The following NINL variants were observed in gnomAD, a reference collection of about 807,000 sequenced individuals.
The protein encoded by NINL is ninein like.
A neutral mutation model predicts 160.3 loss-of-function variants in NINL; 153 were observed. The observed-to-expected ratio is 0.95, with a 90% CI of 0.84 to 1.09. The LOEUF (loss-of-function observed/expected upper bound fraction) is 1.09. NINL is among the 50% of genes least tolerant of loss of function. The pLI, the probability that NINL is intolerant of heterozygous loss-of-function variation, is 0.00. For missense variants in NINL, 1,829 were observed against 1,764.0 expected, an observed-to-expected ratio of 1.04 and a Z score of -0.66; for synonymous variants, 800 against 734.8, an observed-to-expected ratio of 1.09 and a Z score of -1.43.
At chr20:25,502,730 G>A (rs1267371096) in intron 7 of NINL, among the ~76,000 whole-genome samples, 1 of 152,094 alleles carries the variant, frequency 6.6e-6, no homozygotes, top group Non-Finnish European at 1.5e-5. Context: ...GTTTAAAAGT[G>A]TGTCACACCT....
chr20:25,478,985 G>A lies in NINL; in HGVS notation c.2139C>T (p.Pro713=). The A allele has an allele frequency of 1.2e-6, 2 of 1,602,778 alleles. No individual in the cohort carries two copies. The highest frequency in any genetic ancestry group is 1.7e-6 in the Non-Finnish European group (2 of 1,176,896). Residue 713 remains proline (P), a synonymous_variant, in exon 16 of 24, where the codon CCC becomes CCT. Transcript: ENST00000278886. The part of the protein sequence containing the change: ...GPEPEQMGLA[P]CCTQALCGLA... ...GGCCACACAGTGCCTGGGTGCAGCA[G>A]GGTGCCAGGCCCATCTGCTCAGGCT... is the stretch of plus-strand genomic sequence containing the variant.
chr20:25,477,497 C>T (rs982345441), intron 16 of NINL, among the ~76,000 whole-genome samples: 2 of 152,226 alleles, frequency 1.3e-5, no homozygotes, highest in African/African-American at 4.8e-5. Flanking sequence ...GCTGGAGACC[C>T]AGAGCCAAAA....
chr20:25,561,489 C>G (rs1385603171), intron 1 of NINL, among the ~76,000 whole-genome samples: 2 of 151,820 alleles, frequency 1.3e-5, no homozygotes, highest in Non-Finnish European at 2.9e-5. Context: ...TCTGCCTGGC[C>G]GCCCATCGTC....
At position 25,491,377 on chromosome 20, in the gene NINL, G is replaced by C. The variant is rs532206567; in HGVS notation, c.1459C>G (p.Arg487Gly). 8 of 1,610,618 alleles carry C rather than the reference G, an allele frequency of 5.0e-6. No homozygotes were observed. The East Asian group carries it at 1.6e-4, about 31-fold the overall frequency. The change falls in exon 11 of 24, where the codon CGC (arginine) becomes GGC (glycine). Residue 487 changes from arginine (R) to glycine (G), a missense_variant. Coordinates refer to ENST00000278886, the MANE Select transcript of NINL (RefSeq NM_025176.6). ...GRLQAEEAGL[R>G]EKLTLALKEN... ...TTCAGGGCCAGGGTCAGCTTCTCGC[G>C]GAGGCCAGCCTCCTCAGCCTGCAGG...
At chr20:25,489,086 G>A (rs1168233620) in intron 13 of NINL, 158 bp downstream of exon 13, 3 of 704,756 alleles carry the variant, frequency 4.3e-6, no homozygotes, top group Admixed American at 4.6e-5. Flanking sequence ...GAGAGCCAGG[G>A]AACCCTAAGT....
intron 1 of NINL, among the ~76,000 whole-genome samples, chr20:25,546,785 T>G (rs1304998538): frequency 6.6e-6 from 1 of 150,888 alleles, no homozygotes; most frequent in Non-Finnish European, 1.5e-5. Context: ...AGAGAGGACT[T>G]TTCGCTTGTC....
intron 20 of NINL, among the ~76,000 whole-genome samples, chr20:25,461,915 GATTTGAAAA>G (rs1270292755): frequency 6.6e-6 from 1 of 152,152 alleles, no homozygotes. Context: ...CATTAGTTAT[GATTTGAAAA>G]CATGGTTTTC....
intron 10 of NINL, among the ~76,000 whole-genome samples, chr20:25,494,048 C>T (rs576848842): frequency 2.0e-5 from 3 of 152,114 alleles, no homozygotes; most frequent in African/African-American, 7.2e-5. Context: ...AGGGGGCCCA[C>T]AGGCCGCACA....
chr20:25,572,374 T>C (rs534620044), intron 1 of NINL, among the ~76,000 whole-genome samples: 2 of 152,286 alleles, frequency 1.3e-5, no homozygotes, highest in East Asian at 3.9e-4. Context: ...TCAGAGCCAC[T>C]GGAGAGGTGT....
chr20:25,568,020 T>C (rs1188265781), intron 1 of NINL, among the ~76,000 whole-genome samples: 1 of 150,254 alleles, frequency 6.7e-6, no homozygotes, highest in African/African-American at 2.5e-5. Context: ...CTCAAGTAAC[T>C]AGAAAAAAAG....
At chr20:25,513,961 C>T (rs1601194978) in intron 3 of NINL, among the ~76,000 whole-genome samples, 1 of 152,136 alleles carries the variant, frequency 6.6e-6, no homozygotes, top group African/African-American at 2.4e-5. Context: ...CAGACTAATA[C>T]AGAAAATTGG....
chr20:25,532,452 C>A (rs897755690), intron 1 of NINL, among the ~76,000 whole-genome samples: 2 of 152,250 alleles, frequency 1.3e-5, no homozygotes, highest in Admixed American at 6.5e-5. Flanking sequence ...AGGGGGAGCC[C>A]ACCCATCTGA....
chr20:25,508,186 A>G (rs981174107), intron 5 of NINL, among the ~76,000 whole-genome samples: 5 of 152,236 alleles, frequency 3.3e-5, no homozygotes, highest in African/African-American at 1.2e-4. Context: ...ATTTACTGAG[A>G]CAAAAGTTGA....
chr20:25,578,828 A>G (rs1381985906), intron 1 of NINL, among the ~76,000 whole-genome samples: 2 of 149,898 alleles, frequency 1.3e-5, no homozygotes, highest in Non-Finnish European at 3.0e-5. Context: ...TTGATCAAGC[A>G]GTAAAGCTCA....
chr20:25,465,599 G>T (rs2062893924), intron 19 of NINL, among the ~76,000 whole-genome samples: 1 of 152,072 alleles, frequency 6.6e-6, no homozygotes, highest in Admixed American at 6.6e-5. Flanking sequence ...CTCCAACCCT[G>T]GCCATTAGGT....
chr20:25,519,673 A>G (rs958063621), intron 2 of NINL, among the ~76,000 whole-genome samples: 11 of 152,218 alleles, frequency 7.2e-5, no homozygotes, highest in African/African-American at 2.4e-4. Flanking sequence ...ACAAACCACT[A>G]ATAGACACAG....
rs766004718 is a variant in NINL at position 25,496,801 on chromosome 20, C to CCT, written c.1170_1171dup (p.Gly391GlufsTer29). 1 of 1,613,856 alleles carries CCT rather than the reference C, an allele frequency of 6.2e-7. No homozygotes were observed. Among genetic ancestry groups the CCT allele is most frequent in the Non-Finnish European group, 8.5e-7 (1 of 1,179,926 alleles). Reference sequence around the variant, plus strand: ...CTCCCTTGCCAGCTGCTCCACCTGCCCTCTGCCACAGGAAGGAGACAGGGT... The same window carrying CCT: ...CTCCCTTGCCAGCTGCTCCACCTGCCCTCTCTGCCACAGGAAGGAGACAGGGT... On this transcript the variant is annotated frameshift_variant and splice_region_variant, in exon 10 of 24. Transcript: ENST00000278886. LOFTEE classifies it high-confidence loss of function.
chr20:25,519,917 T>C (rs1469498910), intron 2 of NINL, among the ~76,000 whole-genome samples: 5 of 141,654 alleles, frequency 3.5e-5, no homozygotes, highest in Admixed American at 1.5e-4. Flanking sequence ...GGCAGGAGGA[T>C]TGCTTAAGCC....
chr20:25,477,132 C>G (rs759462537), intron 16 of NINL, 43 bp from the exon 17 acceptor site: 7 of 1,505,772 alleles, frequency 4.6e-6, no homozygotes, highest in Non-Finnish European at 6.2e-6. Context: ...CTGCCGCCCC[C>G]AGCCCCTCTC....
Sources: gnomAD v4.1 joint callset for allele counts (sites outside exome capture counted in the v4.1 genomes callset) on GRCh38, gnomAD v4.1.1 for gene constraint, MANE v1.5 for transcripts, NCBI Gene and HGNC (gene_info 2026-07-23, HGNC 2026-07-21) for gene names.